The following MPDZ variants were observed in gnomAD, a reference collection of about 807,000 sequenced individuals.
The protein encoded by MPDZ is multiple PDZ domain protein.
A neutral mutation model predicts 239.1 loss-of-function variants in MPDZ; 234 were observed. The observed-to-expected ratio is 0.98, with a 90% confidence interval of 0.88 to 1.09. The LOEUF (loss-of-function observed/expected upper bound fraction) is 1.09, where lower values mean the gene tolerates loss of function less well. MPDZ is among the 50% of genes least tolerant of loss of function. MPDZ has a pLI of 0.00. For missense variants in MPDZ, 3,175 were observed against 2,510.0 expected (o/e 1.26, Z -5.66); for synonymous variants, 1,048 against 881.3 (o/e 1.19, Z -3.35).
At chr9:13,114,623 C>T (rs1160319996) in intron 40 of MPDZ, among the ~76,000 whole-genome samples, 1 of 152,064 alleles carries the variant, frequency 6.6e-6, no homozygotes, top group African/African-American at 2.4e-5. Context: ...ATCTTGGGGC[C>T]AGGTACGGTG....
At chr9:13,279,137 C>T (rs1974972507) in intron 1 of MPDZ, 2 of 151,580 alleles carry the variant, frequency 1.3e-5, no homozygotes, top group Non-Finnish European at 2.9e-5. Context: ...GCAAAGGAAA[C>T]TTCTAGACCC....
intron 23 of MPDZ, among the ~76,000 whole-genome samples, chr9:13,158,767 G>A (rs1372378612): frequency 1.3e-5 from 2 of 152,164 alleles, no homozygotes. Flanking sequence ...TGCCAGGCAT[G>A]TAACAAAATG....
At position 13,112,124 on chromosome 9, in the gene MPDZ, A is replaced by C; in HGVS notation, c.5624T>G (p.Ile1875Ser). ...GCTGCCTACTCCTCCAGCGATGCTG[A>C]TTCCCAGTGAGTCAGTAGGGCCCTG... ...MKKGPTDSLG[I>S]SIAGGVGSPL... The change falls in exon 43 of 47, where the codon ATC becomes AGC. Residue 1875 changes from isoleucine to serine, a missense_variant. Coordinates refer to ENST00000319217, the MANE Select transcript of MPDZ (RefSeq NM_001378778.1). The C allele has an allele frequency of 6.2e-7, 1 of 1,613,130 alleles. No homozygotes were observed. The highest frequency in any genetic ancestry group is 8.5e-7 in the Non-Finnish European group (1 of 1,179,362).
chr9:13,230,030 AACAG>A (rs1352405469), intron 3 of MPDZ, among the ~76,000 whole-genome samples: 4 of 152,180 alleles, frequency 2.6e-5, no homozygotes, highest in Admixed American at 1.3e-4. Context: ...GGCAGAAAAA[AACAG>A]ACAGACATTT....
intron 2 of MPDZ, 114 bp downstream of exon 2, chr9:13,250,186 T>A (rs1967554114): frequency 1.0e-6 from 1 of 979,686 alleles, no homozygotes; most frequent in Non-Finnish European, 1.5e-6. Context: ...AAAAACTTTT[T>A]AAATCTAGAT....
In MPDZ at chr9:13,105,961, C is replaced by T. The variant is rs954884520; in HGVS notation, c.*1004G>A. 1.3e-5 allele frequency: 2 copies of T among 152,112 alleles called. No individual in the cohort carries two copies. The highest frequency in any genetic ancestry group is 2.9e-5 in the Non-Finnish European group (2 of 68,002). The allele number at this position is 152,112 out of a possible 1,614,324, so 9.4% of individuals were successfully genotyped here. Reference sequence around the variant, plus strand: ...TGTATTATAAGATGTTAATATAAGTCAATGAAATGAAGTTATGTTAATCCC... The same window carrying T: ...TGTATTATAAGATGTTAATATAAGTTAATGAAATGAAGTTATGTTAATCCC... On this transcript the variant is annotated 3_prime_UTR_variant, in exon 47 of 47. Coordinates refer to ENST00000319217, the MANE Select transcript of MPDZ (RefSeq NM_001378778.1).
At chr9:13,219,476 A>G (rs1678505150) in intron 8 of MPDZ, 83 bp downstream of exon 8, 1 of 1,214,292 alleles carries the variant, frequency 8.2e-7, no homozygotes, top group Non-Finnish European at 1.2e-6. Context: ...AACATTAGTA[A>G]GTCTAGTTTC....
Position 13,143,480 on chromosome 9 carries a change from T to TTA in MPDZ, c.3825_3826insTA (p.Ile1276Ter), listed in dbSNP as rs1362887392. On this transcript the variant is annotated frameshift_variant, in exon 27 of 47. Transcript: ENST00000319217. LOFTEE classifies it high-confidence loss of function. ...CATTATCCAACCTTGTCGGCGTTGA[T>TTA]TTGTAGAGAGTCAGCAAATGGGTTA... The TTA allele has an allele frequency of 1.2e-6, 2 of 1,612,230 alleles. No homozygotes were observed. Among genetic ancestry groups the TTA allele is most frequent in the South Asian group, 2.2e-5 (2 of 91,006 alleles).
At chr9:13,163,354 G>C (rs1419387379) in intron 22 of MPDZ, among the ~76,000 whole-genome samples, 1 of 152,090 alleles carries the variant, frequency 6.6e-6, no homozygotes, top group Non-Finnish European at 1.5e-5. Flanking sequence ...TAAACCATTT[G>C]AGTTTATGGA....
At chr9:13,141,630 A>C (rs904238131) in intron 27 of MPDZ, among the ~76,000 whole-genome samples, 9 of 152,168 alleles carry the variant, frequency 5.9e-5, no homozygotes, top group Non-Finnish European at 1.2e-4. Context: ...TCTTGTAAGG[A>C]TACATTAAAT....
At chr9:13,145,440 C>G (rs866069330) in intron 26 of MPDZ, among the ~76,000 whole-genome samples, 5 of 152,068 alleles carry the variant, frequency 3.3e-5, no homozygotes, top group Middle Eastern at 6.8e-3. Context: ...AGGGCCAAAG[C>G]AACTCACTGG....
intron 1 of MPDZ, among the ~76,000 whole-genome samples, chr9:13,278,296 G>A (rs1263509674): frequency 6.6e-6 from 1 of 152,084 alleles, no homozygotes; most frequent in African/African-American, 2.4e-5. Context: ...CTGCAAAAAG[G>A]CAGTCAGTGC....
intron 1 of MPDZ, among the ~76,000 whole-genome samples, chr9:13,254,906 G>A (rs1049697593): frequency 6.6e-6 from 1 of 152,112 alleles, no homozygotes; most frequent in Non-Finnish European, 1.5e-5. Context: ...TGAAGGCTGT[G>A]GTCACTGTAA....
chr9:13,135,695 TC>T (rs1946634888), intron 31 of MPDZ: 1 of 155,590 alleles, frequency 6.4e-6, no homozygotes, highest in South Asian at 2.0e-4. Flanking sequence ...TCAGTGATGC[TC>T]TACAATTTAG....
chr9:13,266,870 A>G (rs1328889335), intron 1 of MPDZ, among the ~76,000 whole-genome samples: 1 of 152,228 alleles, frequency 6.6e-6, no homozygotes, highest in African/African-American at 2.4e-5. Context: ...TAAGAAGGAC[A>G]AAGGCTTAAA....
chr9:13,121,963 A>G, intron 37 of MPDZ, 31 bp from the exon 38 acceptor site: 1 of 1,605,986 alleles, frequency 6.2e-7, no homozygotes, highest in Non-Finnish European at 8.5e-7. Flanking sequence ...GACTGTAAGG[A>G]ACATGAGAAG....
chr9:13,265,031 C>T (rs1971498714), intron 1 of MPDZ, among the ~76,000 whole-genome samples: 1 of 152,180 alleles, frequency 6.6e-6, no homozygotes, highest in Non-Finnish European at 1.5e-5. Flanking sequence ...GCTGCCCTTG[C>T]AGGTGAACAC....
chr9:13,244,582 T>C (rs568344985), intron 3 of MPDZ, among the ~76,000 whole-genome samples: 49 of 152,332 alleles, frequency 3.2e-4, no homozygotes, highest in Middle Eastern at 6.8e-3. Context: ...AATTATATTC[T>C]CAGACCTGCT....
At position 13,150,559 on chromosome 9, in the gene MPDZ, A is replaced by C. The variant is rs188840960; in HGVS notation, c.3582T>G (p.Ser1194Arg). ...GIFIKHVLED[S>R]PAGKNGTLKP... ...TCAAGGTTCCATTTTTGCCAGCTGG[A>C]CTATCTTCCAGAACATGTTTGATGA... The change falls in exon 25 of 47, where the codon AGT becomes AGG. Residue 1194 changes from serine (S) to arginine (R), a missense_variant. Ser to Arg is a moderately radical substitution (Grantham distance 110). Coordinates refer to ENST00000319217, the MANE Select transcript of MPDZ (RefSeq NM_001378778.1). 6.4e-3 allele frequency: 10,038 copies of C among 1,575,090 alleles called. 49 individuals are homozygous for C. The highest frequency in any genetic ancestry group is 7.7e-3 in the Non-Finnish European group (8,969 of 1,159,060).
Sources: gnomAD v4.1 joint callset for allele counts (sites outside exome capture counted in the v4.1 genomes callset) on GRCh38, gnomAD v4.1.1 for gene constraint, MANE v1.5 for transcripts, NCBI Gene and HGNC (gene_info 2026-07-23, HGNC 2026-07-21) for gene names.